The following PLD5 variants were observed in gnomAD, a reference collection of about 807,000 sequenced individuals.
PLD5 encodes the protein inactive phospholipase D5.
In PLD5, 36 loss-of-function variants were observed where a neutral mutation model predicts 61.1. That is an observed-to-expected ratio of 0.59 (90% CI 0.45 to 0.78). The LOEUF (loss-of-function observed/expected upper bound fraction) is 0.78. Ranked by LOEUF, PLD5 falls within the 30% of genes least tolerant of loss-of-function variation. The probability of loss-of-function intolerance (pLI) is 0.00; values close to 1 mark genes in which losing one functional copy is unlikely to be tolerated. For missense variants in PLD5, 515 were observed against 644.4 expected (o/e 0.80, Z 2.17); for synonymous variants, 243 against 242.8 (o/e 1.00, Z -0.01).
At chr1:242,131,800 C>T (rs568586048) in intron 5 of PLD5, among the ~76,000 whole-genome samples, 9 of 149,190 alleles carry the variant, frequency 6.0e-5, no homozygotes, top group Admixed American at 6.7e-5. Flanking sequence ...AGGAGAAGCA[C>T]GTAATTACAC....
intron 1 of PLD5, among the ~76,000 whole-genome samples, chr1:242,432,729 C>T (rs146956629): frequency 6.6e-6 from 1 of 152,138 alleles, no homozygotes; most frequent in Non-Finnish European, 1.5e-5. Context: ...CCCTCTTGGG[C>T]ATTTTTGTCC....
chr1:242,249,963 A>G (rs1672608533), intron 4 of PLD5, among the ~76,000 whole-genome samples: 1 of 152,226 alleles, frequency 6.6e-6, no homozygotes, highest in Non-Finnish European at 1.5e-5. Context: ...ACTAATTAGC[A>G]TAACATTTCA....
intron 5 of PLD5, among the ~76,000 whole-genome samples, chr1:242,194,743 T>C (rs1668528411): frequency 6.6e-6 from 1 of 152,124 alleles, no homozygotes; most frequent in Admixed American, 6.6e-5. Flanking sequence ...TGGATGGGAC[T>C]GGAGATTATT....
intron 4 of PLD5, among the ~76,000 whole-genome samples, chr1:242,241,800 C>G (rs1199547335): frequency 8.2e-6 from 1 of 122,468 alleles, no homozygotes; most frequent in Non-Finnish European, 1.8e-5. Flanking sequence ...TTCTATTTGC[C>G]TCTAGGACCT....
At chr1:242,419,295 A>G (rs1038412883) in intron 1 of PLD5, among the ~76,000 whole-genome samples, 15 of 152,050 alleles carry the variant, frequency 9.9e-5, no homozygotes, top group African/African-American at 3.6e-4. Flanking sequence ...CACAAAAGTC[A>G]TGGCAAAGAC....
At chr1:242,246,227 A>T (rs1558392499) in intron 4 of PLD5, among the ~76,000 whole-genome samples, 1 of 152,066 alleles carries the variant, frequency 6.6e-6, no homozygotes, top group African/African-American at 2.4e-5. Flanking sequence ...TTAGCCAAGC[A>T]TGATGGCATG....
chr1:242,394,326 GTATATATGTGTGTATATATGAGTA>G (rs1663235203), intron 1 of PLD5, among the ~76,000 whole-genome samples: 1 of 79,154 alleles, frequency 1.3e-5, no homozygotes, highest in East Asian at 3.4e-4. Context: ...GTATATATGA[GTATATATGTGTGTATATATGAGTA>G]TATATGTGTG....
In PLD5 at chr1:242,303,959, G is replaced by T. The variant is rs549019436; in HGVS notation, c.327-15429C>A. 5.9e-3 allele frequency among the ~76,000 whole-genome samples: 895 copies of T among 152,040 alleles called. 7 individuals are homozygous for T. The highest frequency in any genetic ancestry group is 8.8e-3 in the Non-Finnish European group (596 of 67,994). ...TCCCATTATTTGCAAATTCTTTTTT[G>T]CCCACCATGGGCTCTGTCAAATTGA... is the stretch of plus-strand genomic sequence containing the variant. On this transcript the variant is annotated intron_variant, in intron 2 of 9. Transcript: ENST00000536534.
At position 242,276,430 on chromosome 1, in the gene PLD5, A is replaced by G. The variant is rs187011844; in HGVS notation, c.496-10982T>C. ...ATATTGTATACATTTGTATATATAC[A>G]CAAATTATATATATATGAATATATA... is the stretch of plus-strand genomic sequence containing the variant. On this transcript the variant is annotated intron_variant, in intron 3 of 9. Transcript: ENST00000536534. Among the ~76,000 whole-genome samples, 265 of 32,428 alleles carry G rather than the reference A, an allele frequency of 8.2e-3. 32 individuals are homozygous for G. The highest frequency in any genetic ancestry group is 0.017 in the Admixed American group (39 of 2,346). The allele number at this position is 32,428 out of a possible 152,430, so 21.3% of individuals were successfully genotyped here.
intron 1 of PLD5, among the ~76,000 whole-genome samples, chr1:242,364,048 T>C (rs888020271): frequency 8.5e-5 from 13 of 152,050 alleles, no homozygotes; most frequent in African/African-American, 3.1e-4. Flanking sequence ...GAGACAGATG[T>C]AATAGAGTAA....
At chr1:242,242,346 A>C (rs1415619090) in intron 4 of PLD5, among the ~76,000 whole-genome samples, 3 of 152,124 alleles carry the variant, frequency 2.0e-5, no homozygotes, top group Non-Finnish European at 4.4e-5. Flanking sequence ...TGTCTTGCTG[A>C]GAGCAAACAG....
chr1:242,285,945 TA>T (rs1406986838), intron 3 of PLD5, among the ~76,000 whole-genome samples: 4 of 151,866 alleles, frequency 2.6e-5, no homozygotes, highest in Non-Finnish European at 5.9e-5. Context: ...TCCTCTCTAC[TA>T]AAAATATGAA....
chr1:242,455,676 G>A (rs984730823), intron 1 of PLD5, among the ~76,000 whole-genome samples: 1 of 152,238 alleles, frequency 6.6e-6, no homozygotes, highest in African/African-American at 2.4e-5. Context: ...GCATCAATCA[G>A]ACATAGCACT....
chr1:242,298,041 T>C (rs1290019295), intron 2 of PLD5, among the ~76,000 whole-genome samples: 1 of 152,228 alleles, frequency 6.6e-6, no homozygotes, highest in Non-Finnish European at 1.5e-5. Flanking sequence ...GTAAGTTGTA[T>C]TCTGTGTCCT....
chr1:242,207,878 T>TTATATATA lies in PLD5; in HGVS notation c.735+12109_735+12110insTATATATA, dbSNP rs1209797290. On this transcript the variant is annotated intron_variant, in intron 5 of 9. Transcript: ENST00000536534. ...TATATATTTATATATTTATATATAT[T>TTATATATA]TATATATTTATATATATTTATATAT... Among the ~76,000 whole-genome samples, 11 of 17,182 alleles carry TTATATATA rather than the reference T, an allele frequency of 6.4e-4. 5 individuals carry two copies. Among genetic ancestry groups the TTATATATA allele is most frequent in the African/African-American group, 4.8e-3 (11 of 2,310 alleles). The allele number at this position is 17,182 out of a possible 152,430, so 11.3% of individuals were successfully genotyped here.
Position 242,256,897 on chromosome 1 carries a change from CTT to C in PLD5, c.607+8438_607+8439del, listed in dbSNP as rs1491540177. 1.6e-5 allele frequency among the ~76,000 whole-genome samples: 2 copies of C among 122,300 alleles called. No individual in the cohort carries two copies. Among genetic ancestry groups the C allele is most frequent in the Admixed American group, 8.2e-5 (1 of 12,250 alleles). The allele number at this position is 122,300 out of a possible 152,430, so 80.2% of individuals were successfully genotyped here. A position where few individuals can be genotyped will look rare whatever the true frequency, so the allele number is the denominator to read the frequency against. ...TTTCTTTTCTCTCCCTCTTCTTTCTCTTTCTTTTTTCATCTATCTATCTATCT... is the reference window on the plus strand; with the variant it reads ...TTTCTTTTCTCTCCCTCTTCTTTCTCTCTTTTTTCATCTATCTATCTATCT... On this transcript the variant is annotated intron_variant, in intron 4 of 9. Transcript: ENST00000536534. This position sits in a 1 kb window ranked among gnomAD's most constrained non-coding sequence, Gnocchi z 5.7.
chr1:242,190,013 C>T (rs1452600483), intron 5 of PLD5, among the ~76,000 whole-genome samples: 1 of 151,890 alleles, frequency 6.6e-6, no homozygotes, highest in Non-Finnish European at 1.5e-5. Context: ...TCAAATGTCA[C>T]CCCTCTGCAG....
intron 5 of PLD5, among the ~76,000 whole-genome samples, chr1:242,213,765 C>T (rs1669971970): frequency 6.6e-6 from 1 of 150,392 alleles, no homozygotes; most frequent in Non-Finnish European, 1.5e-5. Flanking sequence ...GCACAGACAC[C>T]CATTATTCCA....
chr1:242,412,507 C>G (rs1664611914), intron 1 of PLD5, among the ~76,000 whole-genome samples: 1 of 152,288 alleles, frequency 6.6e-6, no homozygotes, highest in Middle Eastern at 3.4e-3. Flanking sequence ...TATTCACCAC[C>G]ACAGTCAAGA....
Sources: allele counts gnomAD v4.1 joint callset (sites outside exome capture counted in the v4.1 genomes callset), GRCh38; gene constraint gnomAD v4.1.1; non-coding constraint Gnocchi (gnomAD v3.1); transcripts MANE v1.5; gene names NCBI Gene and HGNC (gene_info 2026-07-23, HGNC 2026-07-21).